The following CTDP1 variants were observed in gnomAD, a reference collection of about 807,000 sequenced individuals.
CTDP1 encodes the protein RNA polymerase II subunit A C-terminal domain phosphatase.
CTDP1 carries 47 observed loss-of-function variants against 91.8 expected under a neutral mutation model. That is an observed-to-expected ratio of 0.51 (90% CI 0.41 to 0.65). The LOEUF is 0.65. Ranked by LOEUF, CTDP1 falls within the 30% of genes least tolerant of loss-of-function variation. The pLI is 0.00. For missense variants in CTDP1, 1,272 were observed against 1,373.7 expected (o/e 0.93, Z 1.17); for synonymous variants, 656 against 598.5 (o/e 1.10, Z -1.40).
At chr18:79,728,858 G>T in intron 10 of CTDP1, 49 bp from the exon 11 acceptor site, 1 of 1,602,470 alleles carries the variant, frequency 6.2e-7, no homozygotes. Context: ...GCGGAAAAGT[G>T]CCATTCGAAC....
At chr18:79,748,109 C>G (rs1447806305) in intron 12 of CTDP1, among the ~76,000 whole-genome samples, 2 of 152,172 alleles carry the variant, frequency 1.3e-5, no homozygotes, top group Admixed American at 1.3e-4. Flanking sequence ...GTTGTATGAA[C>G]AAAATACAAA....
At chr18:79,715,927 C>T (rs2086198490) in intron 8 of CTDP1, among the ~76,000 whole-genome samples, 1 of 152,178 alleles carries the variant, frequency 6.6e-6, no homozygotes, top group African/African-American at 2.4e-5. Flanking sequence ...TCAGCTGAAA[C>T]GTGCACAGAA....
chr18:79,694,244 ATGGGAGTGTGGGGG>A lies in CTDP1; in HGVS notation c.315-980_315-967del, dbSNP rs1568178085. Among the ~76,000 whole-genome samples, 83 of 96,970 alleles carry A rather than the reference ATGGGAGTGTGGGGG, an allele frequency of 8.6e-4. 1 individual carries two copies. Among genetic ancestry groups the A allele is most frequent in the Admixed American group, 2.0e-3 (18 of 9,170 alleles). The allele number at this position is 96,970 out of a possible 152,430, so 63.6% of individuals were successfully genotyped here. On this transcript the variant is annotated intron_variant, in intron 1 of 12. Transcript: ENST00000613122. ...GGGTGGTCGGAGCAGCCCGGCTGGG[ATGGGAGTGTGGGGG>A]CTACAGGCACCTAGGGGTGGGCGCT...
At position 79,714,648 on chromosome 18, in the gene CTDP1, C is replaced by G; in HGVS notation, c.1188C>G (p.Pro396=). The change falls in exon 8 of 13, where the codon CCC becomes CCG. Residue 396 remains proline, a synonymous_variant. Coordinates refer to ENST00000613122, the MANE Select transcript of CTDP1 (RefSeq NM_004715.5). ...GSEAATPRDS[P]RPGKPDERDI... ...AGGCCGCCACCCCGCGGGACTCACC[C>G]CGCCCCGGGAAGCCAGACGAGAGGG... The G allele has an allele frequency of 6.2e-7, 1 of 1,612,198 alleles. No individual in the cohort carries two copies. Among genetic ancestry groups the G allele is most frequent in the Non-Finnish European group, 8.5e-7 (1 of 1,179,676 alleles).
intron 10 of CTDP1, among the ~76,000 whole-genome samples, chr18:79,726,366 T>G (rs2086443690): frequency 6.6e-6 from 1 of 152,228 alleles, no homozygotes; most frequent in Admixed American, 6.5e-5. Flanking sequence ...TGTTTTTCAG[T>G]TGTTTCAAGC....
At chr18:79,734,421 G>A (rs529671539) in intron 11 of CTDP1, among the ~76,000 whole-genome samples, 180 of 152,382 alleles carry the variant, frequency 1.2e-3, no homozygotes, top group Non-Finnish European at 2.0e-3. Context: ...GGAGCATGAT[G>A]TAGGCGAGGT....
intron 11 of CTDP1, among the ~76,000 whole-genome samples, chr18:79,733,128 A>G (rs1300226464): frequency 6.6e-6 from 1 of 151,872 alleles, no homozygotes; most frequent in Non-Finnish European, 1.5e-5. Flanking sequence ...GCACAGGACG[A>G]ATGTGTGTTG....
chr18:79,718,023 G>GTCCTGAAA lies in CTDP1; in HGVS notation c.2417+7_2417+8insTCCTGAAA, dbSNP rs746756296. The GTCCTGAAA allele has an allele frequency of 6.2e-7, 1 of 1,612,680 alleles. No individual in the cohort carries two copies. Among genetic ancestry groups the GTCCTGAAA allele is most frequent in the South Asian group, 1.1e-5 (1 of 91,064 alleles). ...AGGAGCCCTCTTCCTTCAGGTACGT[G>GTCCTGAAA]GCGGCCCAGCCACTGTCCCCAGCTA... On this transcript the variant is annotated splice_region_variant and intron_variant, in intron 10 of 12. Transcript: ENST00000613122.
chr18:79,746,708 C>T (rs934212957), intron 12 of CTDP1, among the ~76,000 whole-genome samples: 23 of 152,212 alleles, frequency 1.5e-4, no homozygotes, highest in Non-Finnish European at 2.4e-4. Flanking sequence ...GCTTGAACTC[C>T]TGGGCTCAAG....
At chr18:79,691,088 T>TA (rs1204247822) in intron 1 of CTDP1, among the ~76,000 whole-genome samples, 10 of 152,196 alleles carry the variant, frequency 6.6e-5, no homozygotes, top group African/African-American at 2.4e-4. Flanking sequence ...ACCCAGCTGT[T>TA]ACAGCTGCTG....
At chr18:79,752,216 G>T (rs1421493611) in intron 12 of CTDP1, among the ~76,000 whole-genome samples, 1 of 152,148 alleles carries the variant, frequency 6.6e-6, no homozygotes, top group African/African-American at 2.4e-5. Flanking sequence ...TTATGCAGAG[G>T]CTCGTAAGGA....
intron 12 of CTDP1, among the ~76,000 whole-genome samples, chr18:79,751,587 T>C (rs2087002872): frequency 6.6e-6 from 1 of 152,244 alleles, no homozygotes; most frequent in African/African-American, 2.4e-5. Context: ...TTTTGTCTCT[T>C]ATAAATGAAC....
chr18:79,721,542 C>T (rs999318868), intron 10 of CTDP1, among the ~76,000 whole-genome samples: 5 of 152,202 alleles, frequency 3.3e-5, no homozygotes, highest in Non-Finnish European at 7.3e-5. Flanking sequence ...TTAAAGCAGC[C>T]ACACGATCAG....
At chr18:79,693,244 GT>G (rs947374413) in intron 1 of CTDP1, among the ~76,000 whole-genome samples, 1 of 151,760 alleles carries the variant, frequency 6.6e-6, no homozygotes, top group Non-Finnish European at 1.5e-5. Flanking sequence ...GGGTTTGTGC[GT>G]TTTTTTTGTT....
At chr18:79,711,096 C>A (rs1457386215) in intron 6 of CTDP1, among the ~76,000 whole-genome samples, 1 of 152,132 alleles carries the variant, frequency 6.6e-6, no homozygotes, top group Non-Finnish European at 1.5e-5. Flanking sequence ...GTCATCCTCT[C>A]TGCCTCGTCT....
chr18:79,747,908 C>A (rs143827656), intron 12 of CTDP1, among the ~76,000 whole-genome samples: 45 of 152,302 alleles, frequency 3.0e-4, no homozygotes, highest in African/African-American at 1.0e-3. Context: ...GGATATCTTT[C>A]CGGTGCCAAA....
intron 8 of CTDP1, among the ~76,000 whole-genome samples, chr18:79,717,036 G>A (rs1374094616): frequency 4.7e-5 from 7 of 150,486 alleles, no homozygotes; most frequent in Non-Finnish European, 8.9e-5. Flanking sequence ...GTACAGCTGG[G>A]TAAAGGCCCT....
chr18:79,753,788 T>G lies in CTDP1; in HGVS notation c.2884T>G (p.Ter962GlyextTer8), dbSNP rs988458474. 1.2e-6 allele frequency: 2 copies of G among 1,612,914 alleles called. No individual in the cohort carries two copies. The highest frequency in any genetic ancestry group is 2.7e-5 in the African/African-American group (2 of 74,900). The change falls in exon 13 of 13, where the codon TGA (stop) becomes GGA (glycine). Residue 962 changes from the stop codon to glycine (G), a stop_lost. Coordinates refer to ENST00000613122, the MANE Select transcript of CTDP1 (RefSeq NM_004715.5). ...ALEAELNDLM[*>G] ...GGAGGCGGAGCTCAACGACCTCATG[T>G]GAGCGCGGGCAGCGGGCAGGGACTG...
chr18:79,750,842 T>C (rs2086983135), intron 12 of CTDP1, among the ~76,000 whole-genome samples: 2 of 151,736 alleles, frequency 1.3e-5, no homozygotes, highest in South Asian at 4.2e-4. Flanking sequence ...TGGGATGCAT[T>C]GCTTTTTAAG....
Sources: gnomAD v4.1 joint callset for allele counts (sites outside exome capture counted in the v4.1 genomes callset) on GRCh38, gnomAD v4.1.1 for gene constraint, MANE v1.5 for transcripts, NCBI Gene and HGNC (gene_info 2026-07-23, HGNC 2026-07-21) for gene names.